DTNBP1: variants seen among roughly 807,000 people sequenced by gnomAD.
DTNBP1 encodes the protein dystrobrevin binding protein 1, also known as dysbindin.
DTNBP1 carries 35 observed loss-of-function variants against 42.8 expected under a neutral mutation model. The ratio of observed to expected loss-of-function variants is 0.82; its 90% CI spans 0.63 to 1.09. DTNBP1 has a LOEUF of 1.09. Among genes scored for constraint, DTNBP1 ranks in the 50% least tolerant of loss-of-function variants. The probability of loss-of-function intolerance (pLI) is 0.00; values close to 1 mark genes in which losing one functional copy is unlikely to be tolerated. For missense variants in DTNBP1, 457 were observed against 424.2 expected (o/e 1.08, Z -0.68); for synonymous variants, 171 against 162.2 (o/e 1.05, Z -0.41).
chr6:15,614,628 C>A lies in DTNBP1; in HGVS notation c.488+639G>T, dbSNP rs984659648. On this transcript the variant is annotated intron_variant, in intron 6 of 9. Coordinates refer to ENST00000344537, the MANE Select transcript of DTNBP1 (RefSeq NM_032122.5). ...CCAGAGCTAGTCTAGCAGGCTGTTA[C>A]CCTTAGACTCCTTTTCCATCTCCAG... 2.0e-5 allele frequency among the ~76,000 whole-genome samples: 3 copies of A among 152,180 alleles called. No individual in the cohort carries two copies. In the East Asian group the frequency reaches 5.8e-4, roughly 29 times the overall value.
Position 15,593,078 on chromosome 6 carries a change from C to G in DTNBP1, c.492G>C (p.Lys164Asn). 1 of 1,573,488 alleles carries G rather than the reference C, an allele frequency of 6.4e-7. No individual in the cohort carries two copies. Among genetic ancestry groups the G allele is most frequent in the Admixed American group, 1.8e-5 (1 of 54,800 alleles). ...QLENYKKNKRKELETFKAELD... is the reference protein window; with the variant it reads ...QLENYKKNKRNELETFKAELD... ...AATTACCTTTGAAGGTTTCAAGTTC[C>G]TTCCTGTAGGAAAAAAAAAAAAAAG... is the stretch of plus-strand genomic sequence containing the variant. Residue 164 changes from lysine to asparagine, a missense_variant, in exon 7 of 10, where the codon AAG (lysine) becomes AAC (asparagine). Physicochemically the swap from Lys to Asn is moderately conservative, Grantham distance 94 (BLOSUM62 0). Coordinates refer to ENST00000344537, the MANE Select transcript of DTNBP1 (RefSeq NM_032122.5).
At chr6:15,567,303 AT>A (rs1183043111) in intron 7 of DTNBP1, among the ~76,000 whole-genome samples, 1 of 151,868 alleles carries the variant, frequency 6.6e-6, no homozygotes, top group Non-Finnish European at 1.5e-5. Flanking sequence ...AAAAAAAAAA[AT>A]TAGATGGGCA....
Position 15,533,410 on chromosome 6 carries a change from TA to T in DTNBP1, c.512-16del. ...ATCTAGTTCAGCTGAGGAAACAGAA[TA>T]ACTGGGGTTAGGGTTTGAAAAGGGA... On this transcript the variant is annotated splice_polypyrimidine_tract_variant and intron_variant, in intron 7 of 9. Coordinates refer to ENST00000344537, the MANE Select transcript of DTNBP1 (RefSeq NM_032122.5). The T allele has an allele frequency of 6.2e-7, 1 of 1,614,202 alleles. No individual in the cohort carries two copies. Among genetic ancestry groups the T allele is most frequent in the Non-Finnish European group, 8.5e-7 (1 of 1,180,032 alleles).
At chr6:15,541,245 C>G (rs904855911) in intron 7 of DTNBP1, among the ~76,000 whole-genome samples, 2 of 152,154 alleles carry the variant, frequency 1.3e-5, no homozygotes, top group Non-Finnish European at 1.5e-5. Context: ...TGAGGATGTT[C>G]TAATTGTGCT....
intron 1 of DTNBP1, among the ~76,000 whole-genome samples, chr6:15,661,081 C>T (rs774429888): frequency 6.6e-6 from 1 of 152,346 alleles, no homozygotes; most frequent in Admixed American, 6.5e-5. Context: ...AAATGATTGA[C>T]GCATGGTAAG....
intron 6 of DTNBP1, among the ~76,000 whole-genome samples, chr6:15,606,357 T>C (rs979907168): frequency 1.3e-5 from 2 of 152,208 alleles, no homozygotes; most frequent in African/African-American, 4.8e-5. Flanking sequence ...GGTATAAACA[T>C]CTGGGACTCA....
intron 9 of DTNBP1, chr6:15,524,215 T>TAACC (rs1279723139): frequency 6.6e-7 from 1 of 1,524,942 alleles, no homozygotes; most frequent in Non-Finnish European, 8.8e-7. Flanking sequence ...CGCCAGTCCT[T>TAACC]AACCACAAGG....
chr6:15,575,100 T>C (rs1775505396), intron 7 of DTNBP1, among the ~76,000 whole-genome samples: 1 of 152,174 alleles, frequency 6.6e-6, no homozygotes, highest in African/African-American at 2.4e-5. Flanking sequence ...CCGAATCCAC[T>C]ACAGGAAAGC....
At chr6:15,572,643 T>G (rs1775386158) in intron 7 of DTNBP1, among the ~76,000 whole-genome samples, 3 of 152,204 alleles carry the variant, frequency 2.0e-5, no homozygotes, top group Admixed American at 2.0e-4. Flanking sequence ...TCATTTTCAT[T>G]TTTCAGAGAG....
At chr6:15,575,915 C>G (rs1398667962) in intron 7 of DTNBP1, among the ~76,000 whole-genome samples, 1 of 152,136 alleles carries the variant, frequency 6.6e-6, no homozygotes, top group Non-Finnish European at 1.5e-5. Context: ...AAAGCTGATG[C>G]AAGATGTTGC....
chr6:15,649,767 C>T (rs1157113292), intron 3 of DTNBP1, among the ~76,000 whole-genome samples: 2 of 152,162 alleles, frequency 1.3e-5, no homozygotes, highest in African/African-American at 4.8e-5. Flanking sequence ...TGTATAAACA[C>T]ATTATTGACA....
chr6:15,533,432 A>G, intron 7 of DTNBP1, 37 bp from the exon 8 acceptor site: 1 of 1,614,022 alleles, frequency 6.2e-7, no homozygotes, highest in Non-Finnish European at 8.5e-7. Context: ...GGGTTTGAAA[A>G]GGGACTGAGA....
At chr6:15,648,161 C>A (rs1037903367) in intron 3 of DTNBP1, among the ~76,000 whole-genome samples, 1 of 152,012 alleles carries the variant, frequency 6.6e-6, no homozygotes, top group African/African-American at 2.4e-5. Flanking sequence ...GGAAAAAACA[C>A]ATGGTCATCC....
chr6:15,585,352 T>C (rs1776033627), intron 7 of DTNBP1, among the ~76,000 whole-genome samples: 2 of 151,670 alleles, frequency 1.3e-5, no homozygotes, highest in South Asian at 4.1e-4. Flanking sequence ...ATTATTTTCC[T>C]GGTATTTTAT....
intron 7 of DTNBP1, among the ~76,000 whole-genome samples, chr6:15,591,758 T>C (rs558001279): frequency 6.6e-6 from 1 of 152,340 alleles, no homozygotes; most frequent in African/African-American, 2.4e-5. Context: ...ATAATCTGTG[T>C]CCCTGCCCTG....
In DTNBP1 at chr6:15,533,540, G is replaced by A. The variant is rs1030767949; in HGVS notation, c.512-145C>T. 3 of 1,366,166 alleles carry A rather than the reference G, an allele frequency of 2.2e-6. No homozygotes were observed. In the East Asian group the frequency reaches 6.9e-5, roughly 31 times the overall value. 84.6% of individuals were successfully genotyped at this position (1,366,166 alleles called of 1,614,324 possible). On this transcript the variant is annotated intron_variant, in intron 7 of 9. Transcript: ENST00000344537. The stretch of plus-strand genomic sequence containing the variant: ...GGCTGGTGCCCCGACTGCGTGTACA[G>A]CTGGCCTCCTTGTCCCCCAATCTGC...
intron 1 of DTNBP1, 42 bp from the exon 2 acceptor site, chr6:15,652,182 GATTATT>G: frequency 6.8e-7 from 1 of 1,470,168 alleles, no homozygotes; most frequent in Non-Finnish European, 9.3e-7. Flanking sequence ...CAAGTCAAGA[GATTATT>G]ATTATTTTTT....
At chr6:15,652,915 G>A (rs1480975024) in intron 1 of DTNBP1, among the ~76,000 whole-genome samples, 13 of 152,150 alleles carry the variant, frequency 8.5e-5, no homozygotes, top group African/African-American at 2.4e-4. Context: ...GTGCTACCAC[G>A]CCAGGCCTTA....
chr6:15,630,596 GA>G (rs1273863449), intron 4 of DTNBP1, among the ~76,000 whole-genome samples: 6 of 151,880 alleles, frequency 4.0e-5, no homozygotes, highest in Non-Finnish European at 8.8e-5. Flanking sequence ...TGCTAAAGGA[GA>G]AAAAAAATCG....
Sources: gnomAD v4.1 joint callset for allele counts (sites outside exome capture counted in the v4.1 genomes callset) on GRCh38, gnomAD v4.1.1 for gene constraint, MANE v1.5 for transcripts, NCBI Gene and HGNC (gene_info 2026-07-23, HGNC 2026-07-21) for gene names.